DDX51: variants seen among roughly 807,000 people sequenced by gnomAD.
DDX51 encodes ATP-dependent RNA helicase DDX51.
A neutral mutation model predicts 74.6 loss-of-function variants in DDX51; 67 were observed. The observed-to-expected ratio is 0.90, with a 90% CI of 0.74 to 1.10. The LOEUF (loss-of-function observed/expected upper bound fraction) is 1.10. Among genes scored for constraint, DDX51 ranks in the 50% least tolerant of loss-of-function variants. DDX51 has a pLI of 0.00. For synonymous variants in DDX51, 545 were observed against 402.9 expected (o/e 1.35, Z -4.22); for missense variants, 1,056 against 905.2 (o/e 1.17, Z -2.14).
rs532512944 is a variant in DDX51 at position 132,139,784 on chromosome 12, A to G, written c.1840-15T>C. 4.3e-6 allele frequency: 7 copies of G among 1,612,652 alleles called. No individual in the cohort carries two copies. In the Admixed American group the frequency reaches 6.7e-5, roughly 15 times the overall value. ...AATCTCCTCTCCTGGAGAGAAGCTC[A>G]TGGTGGAAGGGGGTTCTTGGGCCAG... On this transcript the variant is annotated splice_polypyrimidine_tract_variant and intron_variant, in intron 13 of 14. Transcript: ENST00000397333.
chr12:132,140,280 A>G (rs2136674637), intron 11 of DDX51, 81 bp from the exon 12 acceptor site: 3 of 1,569,776 alleles, frequency 1.9e-6, no homozygotes, highest in Non-Finnish European at 2.6e-6. Context: ...GGGGCAGCTC[A>G]GGCCTTTCTG....
chr12:132,139,413 C>T, intron 14 of DDX51, 115 bp from the exon 15 acceptor site: 4 of 1,540,560 alleles, frequency 2.6e-6, no homozygotes, highest in Non-Finnish European at 3.5e-6. Flanking sequence ...ATGCAGAAAC[C>T]AGGCCCTGGC....
rs1897274726 is a variant in DDX51 at position 132,136,995 on chromosome 12, A to AG, written c.*2276dup. 1 of 152,142 alleles carries AG rather than the reference A, an allele frequency of 6.6e-6. No homozygotes were observed. The highest frequency in any genetic ancestry group is 1.5e-5 in the Non-Finnish European group (1 of 68,078). 9.4% of individuals were successfully genotyped at this position (152,142 alleles called of 1,614,324 possible). ...GGTTTTTACAAATGGGCTAGTGACG[A>AG]GGGGTTAGAGGAGGGATGTCTTGTC... On this transcript the variant is annotated 3_prime_UTR_variant, in exon 15 of 15. Transcript: ENST00000397333.
At position 132,140,713 on chromosome 12, in the gene DDX51, A is replaced by G; in HGVS notation, c.1463T>C (p.Leu488Pro). The change falls in exon 10 of 15, where the codon CTC becomes CCC. Residue 488 changes from leucine (L) to proline (P), a missense_variant. Leu to Pro is a moderately conservative substitution (Grantham distance 98, BLOSUM62 -3). Coordinates refer to ENST00000397333, the MANE Select transcript of DDX51 (RefSeq NM_175066.4). ...GLTHHYVPCS[L>P]SSKPLVVLHL... is the part of the protein sequence containing the mutation. ...CAGGACGACCAGCGGCTTAGAGCTG[A>G]GGCTGCAGGGCACGTAGTGGTGCTA... The G allele has an allele frequency of 6.2e-7, 1 of 1,613,078 alleles. No homozygotes were observed. The highest frequency in any genetic ancestry group is 8.5e-7 in the Non-Finnish European group (1 of 1,180,014).
In DDX51 at chr12:132,139,118, G is replaced by A. The variant is rs200175103; in HGVS notation, c.*154C>T. On this transcript the variant is annotated 3_prime_UTR_variant, in exon 15 of 15. Transcript: ENST00000397333. ...GGCAGGTGCTTGAGCTCTGACGCCC[G>A]GGCTGCCTGGCGCAGAGACCACGTG... 30 of 1,181,850 alleles carry A rather than the reference G, an allele frequency of 2.5e-5. No homozygotes were observed. Among genetic ancestry groups the A allele is most frequent in the Middle Eastern group, 2.0e-4 (1 of 5,020 alleles). The allele number at this position is 1,181,850 out of a possible 1,614,324, so 73.2% of individuals were successfully genotyped here.
intron 12 of DDX51, 53 bp downstream of exon 12, chr12:132,140,045 C>A (rs1897385596): frequency 1.9e-6 from 3 of 1,606,728 alleles, no homozygotes; most frequent in African/African-American, 2.7e-5. Context: ...ACATCAACGC[C>A]CAGGAGCTCA....
In DDX51 at chr12:132,138,531, T is replaced by TA. The variant is rs1392004014; in HGVS notation, c.*740dup. 1.3e-5 allele frequency: 2 copies of TA among 150,244 alleles called. No homozygotes were observed. Among genetic ancestry groups the TA allele is most frequent in the Non-Finnish European group, 3.0e-5 (2 of 67,760 alleles). The allele number at this position is 150,244 out of a possible 1,614,324, so 9.3% of individuals were successfully genotyped here. On this transcript the variant is annotated 3_prime_UTR_variant, in exon 15 of 15. Transcript: ENST00000397333. ...TAGTAGAGACGGGGTTTCACCATGT[T>TA]AGCAATGATGGTCTCTATCTCCTGA...
Position 132,144,011 on chromosome 12 carries a change from C to A in DDX51, c.286G>T (p.Gly96Cys). The change falls in exon 1 of 15, where the codon GGC becomes TGC. Residue 96 changes from glycine (G) to cysteine (C), a missense_variant. Transcript: ENST00000397333. ...APQGKRRKAD[G>C]EDAGAESNEE... ...GGCCCACCTGCGCCCGCGTCCTCGC[C>A]GTCCGCCTTCCGTCGCTTTCCCTGC... 7.3e-7 allele frequency: 1 copy of A among 1,374,902 alleles called. No individual in the cohort carries two copies. The highest frequency in any genetic ancestry group is 9.4e-7 in the Non-Finnish European group (1 of 1,069,508). 85.2% of individuals were successfully genotyped at this position (1,374,902 alleles called of 1,614,324 possible). A position where few individuals can be genotyped will look rare whatever the true frequency, so the allele number is the denominator to read the frequency against.
At chr12:132,142,446 A>G in intron 3 of DDX51, 24 bp from the exon 4 acceptor site, 1 of 1,607,974 alleles carries the variant, frequency 6.2e-7, no homozygotes, top group Non-Finnish European at 8.5e-7. Flanking sequence ...GGCGAGAGAG[A>G]AGTCGTGTTT....
rs962678871 is a variant in DDX51, at chr12:132,143,723, C to G, written c.491G>C (p.Gly164Ala). ...CGGCGCCTTCCTCTTCCCGAACCCC[C>G]CCAGCACCAGGCCGGGGACCAGGGG... ...AGPLVPGLVL[G>A]GFGKRKAPKV... is the part of the protein sequence containing the mutation. Residue 164 changes from glycine to alanine, a missense_variant, in exon 2 of 15, where the codon GGG (glycine) becomes GCG (alanine). Gly to Ala is a moderately conservative substitution (Grantham distance 60, BLOSUM62 0). Coordinates refer to ENST00000397333, the MANE Select transcript of DDX51 (RefSeq NM_175066.4). The G allele has an allele frequency of 1.8e-5, 28 of 1,538,524 alleles. No homozygotes were observed. Among genetic ancestry groups the G allele is most frequent in the Middle Eastern group, 1.7e-4 (1 of 5,902 alleles).
chr12:132,143,356 T>G (rs560119433), intron 2 of DDX51: 7 of 482,290 alleles, frequency 1.5e-5, no homozygotes, highest in Non-Finnish European at 2.6e-5. Flanking sequence ...CCACACGTGC[T>G]AAGCAAAAAC....
In DDX51 at chr12:132,141,058, G is replaced by A. The variant is rs1041204328; in HGVS notation, c.1251-38C>T. ...GGGGTGTTGCTGGCACCCTACCAGT[G>A]GCTGCCCCGAACCTCCAGGGAACAG... On this transcript the variant is annotated intron_variant, in intron 8 of 14. Transcript: ENST00000397333. The A allele has an allele frequency of 5.1e-6, 8 of 1,557,968 alleles. No individual in the cohort carries two copies. The African/African-American group carries it at 8.2e-5, about 16-fold the overall frequency.
Position 132,140,432 on chromosome 12 carries a change from T to C in DDX51, c.1664A>G (p.Lys555Arg). 6.2e-7 allele frequency: 1 copy of C among 1,613,250 alleles called. No individual in the cohort carries two copies. Among genetic ancestry groups the C allele is most frequent in the East Asian group, 2.2e-5 (1 of 44,890 alleles). Reference sequence around the variant, plus strand: ...CTGCCCAGGAACTCACAGCTGGATCTTCCCCTGTTCAAACTGCTTCAGGAT... The same window carrying C: ...CTGCCCAGGAACTCACAGCTGGATCCTCCCCTGTTCAAACTGCTTCAGGAT... The part of the protein sequence containing the change: ...RMILKQFEQG[K>R]IQLLISTDAT... The change falls in exon 11 of 15, where the codon AAG becomes AGG. Residue 555 changes from lysine (K) to arginine (R), a missense_variant. Lys to Arg is a conservative substitution (Grantham distance 26). Coordinates refer to ENST00000397333, the MANE Select transcript of DDX51 (RefSeq NM_175066.4).
At chr12:132,141,675 T>TCACCCCACAGCCCCGACTC in intron 6 of DDX51, 69 bp from the exon 7 acceptor site, 2 of 1,512,614 alleles carry the variant, frequency 1.3e-6, no homozygotes, top group South Asian at 1.3e-5. Flanking sequence ...AGACGCTGCC[T>TCACCCCACAGCCCCGACTC]CACCCCACAG....
Position 132,142,195 on chromosome 12 carries a change from G to C in DDX51, c.817-5C>G. Reference sequence around the variant, plus strand: ...GACCACTCTCGAAAGCAGGGCCTGAGGGGGAAGGAGCGCCTGCGTCAGCAA... The same window carrying C: ...GACCACTCTCGAAAGCAGGGCCTGACGGGGAAGGAGCGCCTGCGTCAGCAA... On this transcript the variant is annotated splice_polypyrimidine_tract_variant and splice_region_variant and intron_variant, in intron 4 of 14. Coordinates refer to ENST00000397333, the MANE Select transcript of DDX51 (RefSeq NM_175066.4). The C allele has an allele frequency of 1.3e-6, 2 of 1,572,446 alleles. No homozygotes were observed. Among genetic ancestry groups the C allele is most frequent in the Non-Finnish European group, 8.6e-7 (1 of 1,157,440 alleles).
rs1227207442 is a variant in DDX51, at chr12:132,143,946, C to G, written c.305-37G>C. ...ACACCCACCCGGCAGCGCGTCAGCA[C>G]CGAGTCGCCGGCGCCCCAGAGGGAG... On this transcript the variant is annotated intron_variant, in intron 1 of 14. Transcript: ENST00000397333. The G allele has an allele frequency of 1.1e-5, 16 of 1,473,992 alleles. No individual in the cohort carries two copies. The East Asian group carries it at 4.4e-4, about 41-fold the overall frequency. 91.3% of individuals were successfully genotyped at this position (1,473,992 alleles called of 1,614,324 possible).
In DDX51 at chr12:132,136,694, T is replaced by C. The variant is rs1038304769; in HGVS notation, c.*2578A>G. ...TTGTAGTAAAGATGTCAAGGTTTCT[T>C]TTTTTTCTGTCGCCAGGCTGCAGTG... On this transcript the variant is annotated 3_prime_UTR_variant, in exon 15 of 15. Coordinates refer to ENST00000397333, the MANE Select transcript of DDX51 (RefSeq NM_175066.4). The C allele has an allele frequency of 2.0e-5, 3 of 152,272 alleles. No homozygotes were observed. The highest frequency in any genetic ancestry group is 7.2e-5 in the African/African-American group (3 of 41,422). 9.4% of individuals were successfully genotyped at this position (152,272 alleles called of 1,614,324 possible).
chr12:132,141,297 C>T lies in DDX51; in HGVS notation c.1228G>A (p.Ala410Thr), dbSNP rs1009508717. ...DPCALLQRRQ[A>T]QAVTAASTCC... ...TACCTGGCGGCTGTCACAGCCTGGG[C>T]CTGCCTTCGCTGGAGCAGGGCACAG... The change falls in exon 8 of 15, where the codon GCC (alanine) becomes ACC (threonine). Residue 410 changes from alanine to threonine, a missense_variant. Ala to Thr is a moderately conservative substitution (Grantham distance 58). Coordinates refer to ENST00000397333, the MANE Select transcript of DDX51 (RefSeq NM_175066.4). 2 of 1,596,414 alleles carry T rather than the reference C, an allele frequency of 1.3e-6. No homozygotes were observed. Among genetic ancestry groups the T allele is most frequent in the Admixed American group, 1.7e-5 (1 of 59,586 alleles).
chr12:132,140,705 T>TA lies in DDX51; in HGVS notation c.1470dup (p.Lys491Ter), dbSNP rs1380476169. ...ACCAGGTGCAGGACGACCAGCGGCTTAGAGCTGAGGCTGCAGGGCACGTAG... is the reference window on the plus strand; with the variant it reads ...ACCAGGTGCAGGACGACCAGCGGCTTAAGAGCTGAGGCTGCAGGGCACGTAG... On this transcript the variant is annotated frameshift_variant, in exon 10 of 15. Coordinates refer to ENST00000397333, the MANE Select transcript of DDX51 (RefSeq NM_175066.4). LOFTEE classifies it high-confidence loss of function. The TA allele has an allele frequency of 6.2e-7, 1 of 1,613,010 alleles. No individual in the cohort carries two copies. Among genetic ancestry groups the TA allele is most frequent in the South Asian group, 1.1e-5 (1 of 91,052 alleles).
Sources: gnomAD v4.1 joint callset for allele counts on GRCh38, gnomAD v4.1.1 for gene constraint, MANE v1.5 for transcripts, NCBI Gene and HGNC (gene_info 2026-07-23, HGNC 2026-07-21) for gene names.